RBMS3: variants seen among roughly 807,000 people sequenced by gnomAD.
The protein encoded by RBMS3 is RNA-binding motif, single-stranded-interacting protein 3.
Under a neutral mutation model 66.8 loss-of-function variants are expected in RBMS3, and 27 were observed. The observed-to-expected ratio is 0.40, with a 90% confidence interval of 0.30 to 0.56. RBMS3 has a LOEUF of 0.56. RBMS3 is among the 20% of genes least tolerant of loss of function. The pLI is 0.40. For synonymous variants in RBMS3, 188 were observed against 183.0 expected, an observed-to-expected ratio of 1.03 and a Z score of -0.22; for missense variants, 513 against 549.5, an observed-to-expected ratio of 0.93 and a Z score of 0.66.
chr3:29,706,939 T>C (rs899460230), intron 4 of RBMS3, among the ~76,000 whole-genome samples: 1 of 152,218 alleles, frequency 6.6e-6, no homozygotes, highest in Non-Finnish European at 1.5e-5. Flanking sequence ...TTGCTACTTA[T>C]ATGTTCTTGA....
intron 1 of RBMS3, among the ~76,000 whole-genome samples, chr3:29,409,852 T>C (rs1204239221): frequency 1.3e-5 from 2 of 152,208 alleles, no homozygotes. Context: ...ACACATAATG[T>C]AATGCTACTT....
Position 30,005,843 on chromosome 3 carries a change from A to G in RBMS3, c.*1981A>G, listed in dbSNP as rs1699790811. 1 of 151,918 alleles carries G rather than the reference A, an allele frequency of 6.6e-6. No individual in the cohort carries two copies. Among genetic ancestry groups the G allele is most frequent in the African/African-American group, 2.4e-5 (1 of 41,414 alleles). 9.4% of individuals were successfully genotyped at this position (151,918 alleles called of 1,614,324 possible). On this transcript the variant is annotated 3_prime_UTR_variant, in exon 15 of 15. Coordinates refer to ENST00000383767, the MANE Select transcript of RBMS3 (RefSeq NM_001003793.3). ...AAATGCTAGTTGACAATCAAGGAAC[A>G]GTATGATTTATATCAATAAGAACCA...
rs2057654061 is a variant in RBMS3 at position 29,809,288 on chromosome 3, ATGATT to A, written c.637+46303_637+46307del. 2.0e-5 allele frequency among the ~76,000 whole-genome samples: 3 copies of A among 151,546 alleles called. No homozygotes were observed. The South Asian group carries it at 6.2e-4, about 32-fold the overall frequency. The stretch of plus-strand genomic sequence containing the variant: ...TAATAAGGACTACAACTACATAGAA[ATGATT>A]TGAAGTGCTAGTTATGTTTTCATTG... On this transcript the variant is annotated intron_variant, in intron 6 of 14. Coordinates refer to ENST00000383767, the MANE Select transcript of RBMS3 (RefSeq NM_001003793.3).
chr3:29,713,127 T>A (rs1002465917), intron 4 of RBMS3, among the ~76,000 whole-genome samples: 1 of 151,868 alleles, frequency 6.6e-6, no homozygotes. Flanking sequence ...ATATTATATA[T>A]AATATACCAC....
intron 4 of RBMS3, among the ~76,000 whole-genome samples, chr3:29,648,261 C>CTTTTTTTTTTTTTTTT (rs1576434694): frequency 3.4e-5 from 3 of 88,138 alleles, no homozygotes; most frequent in African/African-American, 1.5e-4. Context: ...TAGAAAATGT[C>CTTTTTTTTTTTTTTTT]TATTTTTTTT....
chr3:29,566,616 A>C (rs926302199), intron 3 of RBMS3, among the ~76,000 whole-genome samples: 1 of 138,936 alleles, frequency 7.2e-6, no homozygotes, highest in Non-Finnish European at 1.5e-5. Context: ...AAATGTTGTC[A>C]TTCTGCAAAG....
intron 12 of RBMS3, among the ~76,000 whole-genome samples, chr3:29,966,371 G>A (rs531261738): frequency 1.4e-4 from 22 of 152,148 alleles, no homozygotes; most frequent in Non-Finnish European, 2.8e-4. Context: ...CATTTGTGTC[G>A]TCTATGATTA....
In RBMS3 at chr3:30,007,850, G is replaced by A. The variant is rs991221305; in HGVS notation, c.*3988G>A. 1.3e-5 allele frequency: 2 copies of A among 151,976 alleles called. No homozygotes were observed. The highest frequency in any genetic ancestry group is 2.9e-5 in the Non-Finnish European group (2 of 67,948). The allele number at this position is 151,976 out of a possible 1,614,324, so 9.4% of individuals were successfully genotyped here. A position where few individuals can be genotyped will look rare whatever the true frequency, so the allele number is the denominator to read the frequency against. On this transcript the variant is annotated 3_prime_UTR_variant, in exon 15 of 15. Coordinates refer to ENST00000383767, the MANE Select transcript of RBMS3 (RefSeq NM_001003793.3). ...ATTACTTCCTCCTGTGACCTTAGCA[G>A]ATCTGTCACATTTGAAAGCATATGA... is the stretch of plus-strand genomic sequence containing the variant.
At chr3:29,832,334 G>T (rs1296565888) in intron 6 of RBMS3, among the ~76,000 whole-genome samples, 1 of 152,114 alleles carries the variant, frequency 6.6e-6, no homozygotes, top group African/African-American at 2.4e-5. Context: ...AATAATTAGA[G>T]CAAGATGCTG....
At chr3:29,417,268 A>G (rs2040518442) in intron 1 of RBMS3, among the ~76,000 whole-genome samples, 1 of 151,908 alleles carries the variant, frequency 6.6e-6, no homozygotes. Context: ...TATAAATTTT[A>G]TTCTTTTTTT....
At chr3:29,659,389 C>A (rs745860529) in intron 4 of RBMS3, among the ~76,000 whole-genome samples, 1 of 152,040 alleles carries the variant, frequency 6.6e-6, no homozygotes, top group Non-Finnish European at 1.5e-5. Flanking sequence ...ATTCCCTATT[C>A]CCCCATTCCC....
At chr3:29,906,162 T>C (rs1175802232) in intron 10 of RBMS3, among the ~76,000 whole-genome samples, 2 of 152,132 alleles carry the variant, frequency 1.3e-5, no homozygotes, top group East Asian at 3.9e-4. Context: ...TATACATTGC[T>C]TAATGTTTTC....
chr3:29,826,840 C>T (rs1392953844), intron 6 of RBMS3, among the ~76,000 whole-genome samples: 2 of 151,992 alleles, frequency 1.3e-5, no homozygotes, highest in Non-Finnish European at 2.9e-5. Flanking sequence ...TTTTTCTCTA[C>T]TATACAATAG....
At chr3:29,569,229 A>G (rs1318741441) in intron 3 of RBMS3, among the ~76,000 whole-genome samples, 1 of 152,106 alleles carries the variant, frequency 6.6e-6, no homozygotes, top group African/African-American at 2.4e-5. Context: ...AGTTCTCTAA[A>G]CTGTATCTGA....
intron 4 of RBMS3, among the ~76,000 whole-genome samples, chr3:29,654,767 T>G (rs1001437933): frequency 6.6e-6 from 1 of 150,990 alleles, no homozygotes; most frequent in Admixed American, 6.6e-5. Flanking sequence ...TTTTTGCGTT[T>G]TTTTTTTTTT....
intron 12 of RBMS3, among the ~76,000 whole-genome samples, chr3:29,985,355 AGGGAGTG>A (rs1474157512): frequency 6.6e-6 from 1 of 151,844 alleles, no homozygotes; most frequent in Non-Finnish European, 1.5e-5. Flanking sequence ...CCCTTTTCCA[AGGGAGTG>A]AATGGTTTGT....
chr3:29,426,727 A>C (rs1014308290), intron 1 of RBMS3, among the ~76,000 whole-genome samples: 1 of 123,242 alleles, frequency 8.1e-6, no homozygotes, highest in Non-Finnish European at 1.9e-5. Context: ...TTTAAAAAAT[A>C]ATTGGCTCTT....
At chr3:29,918,115 C>T (rs1031987641) in intron 10 of RBMS3, among the ~76,000 whole-genome samples, 4 of 152,056 alleles carry the variant, frequency 2.6e-5, no homozygotes, top group Admixed American at 2.0e-4. Context: ...TGTTTCAATT[C>T]AGTTAACACC....
intron 4 of RBMS3, among the ~76,000 whole-genome samples, chr3:29,604,769 T>C (rs1465255741): frequency 6.6e-6 from 1 of 151,958 alleles, no homozygotes; most frequent in African/African-American, 2.4e-5. Context: ...GTTCCTTTAG[T>C]TTTTAATATC....
Sources: gnomAD v4.1 joint callset for allele counts (sites outside exome capture counted in the v4.1 genomes callset) on GRCh38, gnomAD v4.1.1 for gene constraint, MANE v1.5 for transcripts, NCBI Gene and HGNC (gene_info 2026-07-23, HGNC 2026-07-21) for gene names.